The following FOXN3 variants were observed in gnomAD, a reference collection of about 807,000 sequenced individuals.
FOXN3 encodes the protein forkhead box N3, also known as forkhead box protein N3.
Under a neutral mutation model 38.4 loss-of-function variants are expected in FOXN3, and 7 were observed. The observed-to-expected ratio is 0.18, with a 90% CI of 0.10 to 0.34. The LOEUF (loss-of-function observed/expected upper bound fraction) is 0.34, where lower values mean the gene tolerates loss of function less well. Ranked by LOEUF, FOXN3 falls within the 10% of genes least tolerant of loss-of-function variation. The pLI is 1.00. For missense variants in FOXN3, 456 were observed against 613.4 expected, an observed-to-expected ratio of 0.74 and a Z score of 2.71; for synonymous variants, 230 against 242.2, an observed-to-expected ratio of 0.95 and a Z score of 0.47.
At chr14:89,420,597 C>T (rs1227809795), upstream of FOXN3, among the ~76,000 whole-genome samples, 3 of 152,116 alleles carry the variant, frequency 2.0e-5, no homozygotes, top group South Asian at 4.1e-4. Flanking sequence ...CAAGAGAAAT[C>T]GATGGCACAG....
At chr14:89,339,921 T>C (rs1278018009) in intron 3 of FOXN3, among the ~76,000 whole-genome samples, 1 of 152,174 alleles carries the variant, frequency 6.6e-6, no homozygotes, top group African/African-American at 2.4e-5. Context: ...GGAAATCTCT[T>C]GATGTGTTTC....
In FOXN3 at chr14:89,160,925, A is replaced by G. The variant is rs1352398860; in HGVS notation, c.*1489T>C. ...AAAAACAAAAACAAAAACAAAAAGGAAAAAAAGAAAGCAAAGAAAAGGAAA... is the reference window on the plus strand; with the variant it reads ...AAAAACAAAAACAAAAACAAAAAGGGAAAAAAGAAAGCAAAGAAAAGGAAA... On this transcript the variant is annotated 3_prime_UTR_variant, in exon 6 of 6. Transcript: ENST00000557258. 6.6e-6 allele frequency: 1 copy of G among 152,270 alleles called. No homozygotes were observed. Among genetic ancestry groups the G allele is most frequent in the East Asian group, 1.9e-4 (1 of 5,202 alleles). 9.4% of individuals were successfully genotyped at this position (152,270 alleles called of 1,614,324 possible). A position where few individuals can be genotyped will look rare whatever the true frequency, so the allele number is the denominator to read the frequency against.
chr14:89,417,354 G>C (rs1041981070), upstream of FOXN3: 3 of 147,568 alleles, frequency 2.0e-5, no homozygotes, highest in African/African-American at 2.4e-5. Context: ...CCTGGGGCGC[G>C]GGGCACTGAC....
At chr14:89,297,662 C>A (rs1377895398) in intron 3 of FOXN3, among the ~76,000 whole-genome samples, 4 of 152,108 alleles carry the variant, frequency 2.6e-5, no homozygotes, top group Non-Finnish European at 4.4e-5. Context: ...TGAAGAGATA[C>A]TCGTACACCC....
rs375318138 is a variant in FOXN3, at chr14:89,360,312, G to A, written c.544-9504C>T. On this transcript the variant is annotated intron_variant, in intron 2 of 5. Coordinates refer to ENST00000557258, the MANE Select transcript of FOXN3 (RefSeq NM_005197.4). ...GAAGAGAGAGGGATGGAGAGAGAGA[G>A]GGGAAGAAAGAGAAGGAAAGAAAGA... Among the ~76,000 whole-genome samples the A allele has an allele frequency of 1.2e-3, 185 of 149,196 alleles. 1 individual carries two copies. Among genetic ancestry groups the A allele is most frequent in the African/African-American group, 4.3e-3 (173 of 40,704 alleles).
At chr14:89,170,415 CT>C (rs1223082815) in intron 5 of FOXN3, among the ~76,000 whole-genome samples, 2 of 152,216 alleles carry the variant, frequency 1.3e-5, no homozygotes, top group South Asian at 4.1e-4. Context: ...CACATGACAT[CT>C]TTTTTATTTT....
intron 1 of FOXN3, among the ~76,000 whole-genome samples, chr14:89,431,390 T>C (rs1892153728): frequency 1.3e-5 from 2 of 152,046 alleles, no homozygotes; most frequent in Admixed American, 1.3e-4. Context: ...TTTGTATTTT[T>C]GGTAGAGACA....
Position 89,214,185 on chromosome 14 carries a change from T to C in FOXN3, c.746-33379A>G, listed in dbSNP as rs1419292895. ...CTGGGCAGGTTTCGGATGGCCACTGTTTCCTTATCTGTAAAAGAAGGGGGT... is the reference window on the plus strand; with the variant it reads ...CTGGGCAGGTTTCGGATGGCCACTGCTTCCTTATCTGTAAAAGAAGGGGGT... On this transcript the variant is annotated intron_variant, in intron 4 of 5. Coordinates refer to ENST00000557258, the MANE Select transcript of FOXN3 (RefSeq NM_005197.4). Among the ~76,000 whole-genome samples, 5 of 148,570 alleles carry C rather than the reference T, an allele frequency of 3.4e-5. No homozygotes were observed. The East Asian group carries it at 9.8e-4, about 29-fold the overall frequency.
At chr14:89,343,569 A>G (rs1888676257) in intron 3 of FOXN3, among the ~76,000 whole-genome samples, 2 of 151,304 alleles carry the variant, frequency 1.3e-5, no homozygotes, top group East Asian at 3.9e-4. Context: ...TGCCATTTTC[A>G]TTAAGAACCT....
intron 1 of FOXN3, among the ~76,000 whole-genome samples, chr14:89,552,878 G>A (rs551257114): frequency 2.0e-5 from 3 of 152,258 alleles, no homozygotes; most frequent in Non-Finnish European, 2.9e-5. Flanking sequence ...GTAAAAGAGC[G>A]AGACTCCGTC....
intron 3 of FOXN3, among the ~76,000 whole-genome samples, chr14:89,308,864 G>A (rs1433599330): frequency 5.9e-5 from 9 of 152,148 alleles, no homozygotes; most frequent in Non-Finnish European, 1.2e-4. Flanking sequence ...AGCACAGCAG[G>A]GGAGCCTGGT....
intron 3 of FOXN3, among the ~76,000 whole-genome samples, chr14:89,323,946 A>AAT (rs1367644201): frequency 1.3e-5 from 2 of 152,124 alleles, no homozygotes; most frequent in African/African-American, 4.8e-5. Flanking sequence ...GAGACTCATT[A>AAT]GAGGCAGGGA....
chr14:89,619,072 G>T (rs1469396784), exon 1 of FOXN3: 1 of 152,300 alleles, frequency 6.6e-6, no homozygotes, highest in African/African-American at 2.4e-5. Flanking sequence ...CCGCATTGGG[G>T]GGCTGCGGCG....
rs1887006602 is a variant in FOXN3, at chr14:89,157,468, G to A, written c.*4946C>T. 6.6e-6 allele frequency: 1 copy of A among 152,614 alleles called. No individual in the cohort carries two copies. The highest frequency in any genetic ancestry group is 1.5e-5 in the Non-Finnish European group (1 of 68,030). 9.5% of individuals were successfully genotyped at this position (152,614 alleles called of 1,614,324 possible). On this transcript the variant is annotated 3_prime_UTR_variant, in exon 6 of 6. Transcript: ENST00000557258. ...CCACCATCGCCGGTGCTCTCTCAAAGGAAGAGGGGTTAACAGATGAATTCA... is the reference window on the plus strand; with the variant it reads ...CCACCATCGCCGGTGCTCTCTCAAAAGAAGAGGGGTTAACAGATGAATTCA...
rs957832910 is a variant in FOXN3, at chr14:89,230,592, A to C, written c.746-49786T>G. ...CATCTAAGTGCTAGCTACTATTATT[A>C]TTTTGACAACTTGCTTTTTATTTAT... On this transcript the variant is annotated intron_variant, in intron 4 of 5. Coordinates refer to ENST00000557258, the MANE Select transcript of FOXN3 (RefSeq NM_005197.4). 5 of 232,464 alleles carry C rather than the reference A, an allele frequency of 2.2e-5. No homozygotes were observed. In the East Asian group the frequency reaches 4.8e-4, roughly 22 times the overall value. The allele number at this position is 232,464 out of a possible 1,614,324, so 14.4% of individuals were successfully genotyped here.
At chr14:89,448,821 A>G (rs950364742) in intron 1 of FOXN3, among the ~76,000 whole-genome samples, 2 of 151,974 alleles carry the variant, frequency 1.3e-5, no homozygotes, top group Non-Finnish European at 2.9e-5. Flanking sequence ...CGGCGCCTGT[A>G]GTCCCAGCTA....
Position 89,162,816 on chromosome 14 carries a change from G to A in FOXN3, c.1005C>T (p.Ser335=), listed in dbSNP as rs562765734. 6.2e-7 allele frequency: 1 copy of A among 1,612,450 alleles called. No individual in the cohort carries two copies. Among genetic ancestry groups the A allele is most frequent in the Non-Finnish European group, 8.5e-7 (1 of 1,179,988 alleles). ...STSPTSDSIS[S]SSSSADDHYE... is the part of the protein sequence containing the mutation. ...AGTGGTCGTCGGCTGAGGAGGAGGA[G>A]GAGGAGATGGAGTCGCTGGTGGGCG... The change falls in exon 6 of 6, where the codon TCC becomes TCT. Residue 335 remains serine, a synonymous_variant. Transcript: ENST00000557258. This position sits in a 1 kb window ranked among gnomAD's most constrained non-coding sequence, Gnocchi z 7.2.
chr14:89,500,180 CATT>C (rs1893767531), intron 1 of FOXN3, among the ~76,000 whole-genome samples: 1 of 152,108 alleles, frequency 6.6e-6, no homozygotes, highest in Non-Finnish European at 1.5e-5. Context: ...CCATGAATTT[CATT>C]TACGGGCACT....
chr14:89,511,522 C>T (rs1894093188), intron 1 of FOXN3, among the ~76,000 whole-genome samples: 1 of 151,708 alleles, frequency 6.6e-6, no homozygotes, highest in Non-Finnish European at 1.5e-5. Flanking sequence ...CTCATGGGCT[C>T]CAGCCACTGC....
Sources: gnomAD v4.1 joint callset for allele counts (sites outside exome capture counted in the v4.1 genomes callset) on GRCh38, gnomAD v4.1.1 for gene constraint, Gnocchi (gnomAD v3.1) non-coding constraint, MANE v1.5 for transcripts, NCBI Gene and HGNC (gene_info 2026-07-23, HGNC 2026-07-21) for gene names.